The following RARB variants were observed in gnomAD, a reference collection of about 807,000 sequenced individuals.
The protein encoded by RARB is retinoic acid receptor beta.
RARB carries 17 observed loss-of-function variants against 51.9 expected under a neutral mutation model. The observed-to-expected ratio is 0.33, with a 90% CI of 0.22 to 0.49. RARB has a LOEUF of 0.49. Among genes scored for constraint, RARB ranks in the 20% least tolerant of loss-of-function variants. RARB has a pLI of 0.99. For missense variants in RARB, 369 were observed against 550.8 expected (o/e 0.67, Z 3.30); for synonymous variants, 215 against 195.4 (o/e 1.10, Z -0.84).
chr3:25,514,428 GAGA>G (rs1316235702), intron 3 of RARB, among the ~76,000 whole-genome samples: 1 of 151,930 alleles, frequency 6.6e-6, no homozygotes, highest in Non-Finnish European at 1.5e-5. Flanking sequence ...GTTTTCTCAG[GAGA>G]AGGAAAGTTT....
At chr3:25,369,502 C>T (rs1706234318) in intron 5 of RARB, among the ~76,000 whole-genome samples, 1 of 152,166 alleles carries the variant, frequency 6.6e-6, no homozygotes, top group Non-Finnish European at 1.5e-5. Context: ...ATTCCAGTCC[C>T]ATGGCAAAGA....
intron 2 of RARB, among the ~76,000 whole-genome samples, chr3:24,954,488 A>G (rs1390716255): frequency 6.6e-6 from 1 of 152,192 alleles, no homozygotes; most frequent in Non-Finnish European, 1.5e-5. Context: ...AGTATAGAAT[A>G]AATTTAATCC....
At chr3:25,311,239 G>A (rs774561673) in intron 5 of RARB, among the ~76,000 whole-genome samples, 3 of 152,206 alleles carry the variant, frequency 2.0e-5, no homozygotes, top group Non-Finnish European at 4.4e-5. Flanking sequence ...GAGGATGCAC[G>A]TGGTGTATTT....
intron 2 of RARB, among the ~76,000 whole-genome samples, chr3:25,499,462 A>C (rs554678645): frequency 6.6e-6 from 1 of 152,318 alleles, no homozygotes; most frequent in East Asian, 1.9e-4. Flanking sequence ...TGTATTCGGC[A>C]AGCATCACTT....
At chr3:24,972,869 T>C (rs1408206615) in intron 2 of RARB, among the ~76,000 whole-genome samples, 6 of 152,022 alleles carry the variant, frequency 3.9e-5, no homozygotes, top group Non-Finnish European at 8.8e-5. Context: ...GGGCTCTTTA[T>C]TCTGGTTAAT....
At chr3:25,026,143 A>G (rs1044494027) in intron 2 of RARB, among the ~76,000 whole-genome samples, 5 of 152,116 alleles carry the variant, frequency 3.3e-5, no homozygotes, top group Non-Finnish European at 7.4e-5. Flanking sequence ...AGATACCTGC[A>G]CTTTTGCATA....
At chr3:25,039,507 C>T (rs1196727239) in intron 2 of RARB, among the ~76,000 whole-genome samples, 4 of 152,022 alleles carry the variant, frequency 2.6e-5, no homozygotes, top group African/African-American at 4.8e-5. Context: ...AATAGGGCCA[C>T]GGTAGTGAGG....
At chr3:25,167,692 C>G (rs1575191846) in intron 4 of RARB, among the ~76,000 whole-genome samples, 1 of 152,288 alleles carries the variant, frequency 6.6e-6, no homozygotes, top group East Asian at 1.9e-4. Context: ...TTTGAAGAAA[C>G]TAAATCAGAG....
chr3:25,178,109 C>A (rs1288798514), intron 5 of RARB, among the ~76,000 whole-genome samples: 2 of 151,942 alleles, frequency 1.3e-5, no homozygotes, highest in Non-Finnish European at 2.9e-5. Flanking sequence ...TGACCACTCA[C>A]AATTCGTAGG....
rs201439785 is a variant in RARB at position 25,564,929 on chromosome 3, T to C, written c.449-4829T>C. Among the ~76,000 whole-genome samples, 4 of 152,238 alleles carry C rather than the reference T, an allele frequency of 2.6e-5. No individual in the cohort carries two copies. In the East Asian group the frequency reaches 7.7e-4, roughly 29 times the overall value. On this transcript the variant is annotated intron_variant, in intron 3 of 7. Coordinates refer to ENST00000330688, the MANE Select transcript of RARB (RefSeq NM_000965.5). ...CACCATCAAACATCCCAGGCAGCCT[T>C]GGAGCTGAGCATCAGATGCACACCC...
At chr3:24,938,381 G>A (rs778226961) in intron 2 of RARB, among the ~76,000 whole-genome samples, 1 of 152,104 alleles carries the variant, frequency 6.6e-6, no homozygotes. Context: ...TGAGAGCCAT[G>A]TTCCCATTTT....
At chr3:25,313,163 T>A (rs1464297905) in intron 5 of RARB, among the ~76,000 whole-genome samples, 1 of 152,226 alleles carries the variant, frequency 6.6e-6, no homozygotes, top group Non-Finnish European at 1.5e-5. Context: ...CCAGCATTAA[T>A]CCTTTCCTTG....
chr3:25,219,953 T>C (rs762163710), intron 5 of RARB, among the ~76,000 whole-genome samples: 14 of 152,218 alleles, frequency 9.2e-5, no homozygotes, highest in Admixed American at 2.6e-4. Context: ...AAAACTATTA[T>C]TACTGTGTAG....
upstream of RARB, among the ~76,000 whole-genome samples, chr3:25,426,942 A>G (rs1489452076): frequency 6.6e-6 from 1 of 152,158 alleles, no homozygotes; most frequent in Non-Finnish European, 1.5e-5. Context: ...CTAAAAAATC[A>G]TTTTCCCTTA....
At position 25,131,726 on chromosome 3, in the gene RARB, G is replaced by T. The variant is rs144964042; in HGVS notation, c.-327-435G>T. On this transcript the variant is annotated intron_variant, in intron 3 of 11. Transcript: ENST00000383772. ...CCATTTGCCACGCTGTCCAGTGGGA[G>T]AAGAGACAAGGCCCTAAAGACTTTA... Among the ~76,000 whole-genome samples, 380 of 152,098 alleles carry T rather than the reference G, an allele frequency of 2.5e-3. 3 individuals carry two copies. Among genetic ancestry groups the T allele is most frequent in the African/African-American group, 8.6e-3 (357 of 41,526 alleles).
intron 5 of RARB, among the ~76,000 whole-genome samples, chr3:25,241,896 C>T (rs978367098): frequency 1.3e-5 from 2 of 152,146 alleles, no homozygotes; most frequent in African/African-American, 2.4e-5. Context: ...CATTGTCTTC[C>T]ACAATGGTTG....
intron 5 of RARB, among the ~76,000 whole-genome samples, chr3:25,193,872 T>C (rs941881117): frequency 6.7e-6 from 1 of 149,256 alleles, no homozygotes; most frequent in Non-Finnish European, 1.5e-5. Flanking sequence ...TTTCAAAATA[T>C]ATACCAATAA....
chr3:25,202,189 C>G (rs1248100151), intron 5 of RARB, among the ~76,000 whole-genome samples: 1 of 152,096 alleles, frequency 6.6e-6, no homozygotes, highest in African/African-American at 2.4e-5. Context: ...AGGAATTTAT[C>G]CATTTCTTCT....
At chr3:25,026,846 T>C (rs964092811) in intron 2 of RARB, among the ~76,000 whole-genome samples, 3 of 152,218 alleles carry the variant, frequency 2.0e-5, no homozygotes, top group Non-Finnish European at 4.4e-5. Context: ...TTTGGGAAGA[T>C]AGCTGAAATA....
Sources: gnomAD v4.1 joint callset for allele counts (sites outside exome capture counted in the v4.1 genomes callset) on GRCh38, gnomAD v4.1.1 for gene constraint, MANE v1.5 for transcripts, NCBI Gene and HGNC (gene_info 2026-07-23, HGNC 2026-07-21) for gene names.